The following FAM20A variants were observed in gnomAD, a reference collection of about 807,000 sequenced individuals.
FAM20A encodes the protein pseudokinase FAM20A.
In FAM20A, 42 loss-of-function variants were observed where a neutral mutation model predicts 52.0. That is an observed-to-expected ratio of 0.81 (90% CI 0.63 to 1.04). FAM20A has a LOEUF of 1.04. FAM20A is among the 50% of genes least tolerant of loss of function. The probability of loss-of-function intolerance (pLI) is 0.00; values close to 1 mark genes in which losing one functional copy is unlikely to be tolerated. For missense variants in FAM20A, 742 were observed against 712.7 expected, an observed-to-expected ratio of 1.04 and a Z score of -0.47; for synonymous variants, 304 against 298.9, an observed-to-expected ratio of 1.02 and a Z score of -0.18.
intron 3 of FAM20A, 61 bp from the exon 4 acceptor site, chr17:68,552,012 CTG>C (rs2143665370): frequency 2.7e-6 from 3 of 1,106,108 alleles, no homozygotes; most frequent in South Asian, 2.7e-5. Flanking sequence ...GCTTGTGACT[CTG>C]TTCCTTCAAT....
intron 1 of FAM20A, among the ~76,000 whole-genome samples, chr17:68,562,611 T>C (rs1598037845): frequency 6.7e-6 from 1 of 149,360 alleles, no homozygotes; most frequent in African/African-American, 2.5e-5. Flanking sequence ...TCCTTTTCCA[T>C]CCCCCCCCCT....
chr17:68,539,752 C>A, intron 9 of FAM20A, 133 bp downstream of exon 9: 1 of 812,834 alleles, frequency 1.2e-6, no homozygotes, highest in Non-Finnish European at 2.1e-6. Context: ...TGGAAGAAGC[C>A]GGGCTCGAAG....
chr17:68,599,845 A>G (rs3826431), intron 1 of FAM20A, among the ~76,000 whole-genome samples: 28,724 of 152,074 alleles, frequency 0.19, 3,048 homozygotes, highest in East Asian at 0.35. Context: ...CTAGCTCTGG[A>G]GTCACCCTGT....
Position 68,600,579 on chromosome 17 carries a change from G to C in FAM20A, c.88C>G (p.Gln30Glu). The C allele has an allele frequency of 6.4e-7, 1 of 1,560,950 alleles. No homozygotes were observed. ...SADLYFHLWPQVQRQLRPRER... is the reference protein window; with the variant it reads ...SADLYFHLWPEVQRQLRPRER... ...CGAGGCCGCAGCTGGCGCTGTACTT[G>C]GGGCCAGAGGTGGAAGTAGAGGTCG... Residue 30 changes from glutamine (Q) to glutamate (E), a missense_variant, in exon 1 of 11, where the codon CAA becomes GAA. Transcript: ENST00000592554. This position sits in a 1 kb window ranked among gnomAD's most constrained non-coding sequence, Gnocchi z 6.2.
rs750780505 is a variant in FAM20A, at chr17:68,546,168, CAAAAAAAAAAA to C, written c.720-2458_720-2448del. 1.3e-4 allele frequency among the ~76,000 whole-genome samples: 13 copies of C among 98,890 alleles called. No individual in the cohort carries two copies. In the East Asian group the frequency reaches 1.6e-3, roughly 12 times the overall value. The allele number at this position is 98,890 out of a possible 152,430, so 64.9% of individuals were successfully genotyped here. A position where few individuals can be genotyped will look rare whatever the true frequency, so the allele number is the denominator to read the frequency against. ...TGAGCAACAGAGCGAGACTCCATCT[CAAAAAAAAAAA>C]AAAAAAAAAAAAAAAAGCAGCAACT... On this transcript the variant is annotated intron_variant, in intron 4 of 10. Transcript: ENST00000592554.
intron 1 of FAM20A, among the ~76,000 whole-genome samples, chr17:68,582,780 ATTTTTTTTTTT>A (rs34025800): frequency 1.0e-4 from 8 of 79,810 alleles, no homozygotes; most frequent in Non-Finnish European, 1.8e-4. Context: ...GCCAGGATTA[ATTTTTTTTTTT>A]TTTTTTTTTT....
At chr17:68,552,535 C>A (rs543646589) in intron 3 of FAM20A, among the ~76,000 whole-genome samples, 15 of 152,282 alleles carry the variant, frequency 9.9e-5, no homozygotes, top group African/African-American at 3.1e-4. Context: ...GGGCACCTCA[C>A]TTCTCTTACC....
chr17:68,543,897 C>T (rs1389259025), intron 4 of FAM20A, among the ~76,000 whole-genome samples, 176 bp from the exon 5 acceptor site: 1 of 152,122 alleles, frequency 6.6e-6, no homozygotes, highest in African/African-American at 2.4e-5. Context: ...CAGGAGAAGA[C>T]AAGCAAAGTG....
At position 68,591,093 on chromosome 17, in the gene FAM20A, C is replaced by CTGTTTTGTTTTGTTTTGTTTTGTTT. The variant is rs71144608; in HGVS notation, c.404+9145_404+9169dup. Among the ~76,000 whole-genome samples, 24 of 149,946 alleles carry CTGTTTTGTTTTGTTTTGTTTTGTTT rather than the reference C, an allele frequency of 1.6e-4. 1 individual carries two copies. Among genetic ancestry groups the CTGTTTTGTTTTGTTTTGTTTTGTTT allele is most frequent in the African/African-American group, 5.7e-4 (23 of 40,682 alleles). On this transcript the variant is annotated intron_variant, in intron 1 of 10. Transcript: ENST00000592554. ...GACAAAGACACAGAGTCCAAGGACT[C>CTGTTTTGTTTTGTTTTGTTTTGTTT]TGTTTTGTTTTGTTTTGTTTTGTTT...
chr17:68,558,544 C>G, intron 1 of FAM20A: 1 of 186,982 alleles, frequency 5.3e-6, no homozygotes, highest in South Asian at 8.0e-5. Context: ...CCCGCTCACT[C>G]TCTTGTGCTC....
intron 5 of FAM20A, 88 bp downstream of exon 5, chr17:68,543,541 G>T: frequency 8.8e-7 from 1 of 1,137,034 alleles, no homozygotes; most frequent in South Asian, 1.2e-5. Context: ...AAATGCCAGG[G>T]AGTTCCCACC....
rs183590895 is a variant in FAM20A at position 68,536,378 on chromosome 17, T to G, written c.*1099A>C. On this transcript the variant is annotated 3_prime_UTR_variant, in exon 11 of 11. Coordinates refer to ENST00000592554, the MANE Select transcript of FAM20A (RefSeq NM_017565.4). ...TGTCCTTTGTGTTTTCGGTCATTAA[T>G]TATGGAATAAGAAACAAAGCCTCCT... is the stretch of plus-strand genomic sequence containing the variant. 2 of 454,132 alleles carry G rather than the reference T, an allele frequency of 4.4e-6. No homozygotes were observed. Among genetic ancestry groups the G allele is most frequent in the South Asian group, 3.1e-5 (2 of 64,476 alleles). The allele number at this position is 454,132 out of a possible 1,614,324, so 28.1% of individuals were successfully genotyped here.
chr17:68,600,564 G>T lies in FAM20A; in HGVS notation c.103C>A (p.Leu35Met), dbSNP rs372884714. 1.1e-5 allele frequency: 17 copies of T among 1,557,428 alleles called. No individual in the cohort carries two copies. In the African/African-American group the frequency reaches 2.3e-4, roughly 21 times the overall value. Residue 35 changes from leucine (L) to methionine (M), a missense_variant, in exon 1 of 11, where the codon CTG (leucine) becomes ATG (methionine). By Grantham distance (15) the Leu-to-Met change is conservative. Transcript: ENST00000592554. This position sits in a 1 kb window ranked among gnomAD's most constrained non-coding sequence, Gnocchi z 6.2. ...CCCCGCGGGCGCTCCCGAGGCCGCA[G>T]CTGGCGCTGTACTTGGGGCCAGAGG... is the stretch of plus-strand genomic sequence containing the variant. ...FHLWPQVQRQ[L>M]RPRERPRGCP...
At chr17:68,562,694 G>C (rs2087250737) in intron 1 of FAM20A, among the ~76,000 whole-genome samples, 1 of 148,962 alleles carries the variant, frequency 6.7e-6, no homozygotes, top group East Asian at 2.0e-4. Context: ...ATTTCCTCTT[G>C]TACTTGCATG....
rs1194562005 is a variant in FAM20A at position 68,536,474 on chromosome 17, T to G, written c.*1003A>C. On this transcript the variant is annotated 3_prime_UTR_variant, in exon 11 of 11. Coordinates refer to ENST00000592554, the MANE Select transcript of FAM20A (RefSeq NM_017565.4). ...GAGACAAGGAATCCCTACTACACTTTCTTCTAAGGGAGGCTTCAATAAAAA... is the reference window on the plus strand; with the variant it reads ...GAGACAAGGAATCCCTACTACACTTGCTTCTAAGGGAGGCTTCAATAAAAA... 6 of 453,934 alleles carry G rather than the reference T, an allele frequency of 1.3e-5. 1 individual carries two copies. Among genetic ancestry groups the G allele is most frequent in the South Asian group, 9.3e-5 (6 of 64,478 alleles). The allele number at this position is 453,934 out of a possible 1,614,324, so 28.1% of individuals were successfully genotyped here.
chr17:68,594,619 CTTCCAAGCTCA>C (rs1212327134), intron 1 of FAM20A, among the ~76,000 whole-genome samples: 5 of 152,140 alleles, frequency 3.3e-5, no homozygotes, highest in Admixed American at 6.5e-5. Context: ...AAAAAATCTG[CTTCCAAGCTCA>C]TTCTTGGTGG....
intron 7 of FAM20A, 188 bp downstream of exon 7, chr17:68,541,797 A>G: frequency 1.5e-6 from 1 of 649,304 alleles, no homozygotes; most frequent in Non-Finnish European, 2.6e-6. Context: ...AAGGTTCTTT[A>G]GAACTGAATA....
intron 7 of FAM20A, chr17:68,541,737 T>G: frequency 2.3e-6 from 1 of 433,850 alleles, no homozygotes; most frequent in Non-Finnish European, 4.1e-6. Flanking sequence ...AAGGAGAGAG[T>G]CTGAGTCTTC....
chr17:68,560,081 G>T (rs1344937041), intron 1 of FAM20A, among the ~76,000 whole-genome samples: 1 of 152,160 alleles, frequency 6.6e-6, no homozygotes, highest in Non-Finnish European at 1.5e-5. Flanking sequence ...TCATGGGTGG[G>T]ATTAGTGCCC....
Sources: gnomAD v4.1 joint callset for allele counts (sites outside exome capture counted in the v4.1 genomes callset) on GRCh38, gnomAD v4.1.1 for gene constraint, Gnocchi (gnomAD v3.1) non-coding constraint, MANE v1.5 for transcripts, NCBI Gene and HGNC (gene_info 2026-07-23, HGNC 2026-07-21) for gene names.